PAG1: variants seen among roughly 807,000 people sequenced by gnomAD.
The protein encoded by PAG1 is phosphoprotein membrane anchor with glycosphingolipid microdomains 1, also known as phosphoprotein associated with glycosphingolipid-enriched microdomains 1.
PAG1 carries 23 observed loss-of-function variants against 31.7 expected under a neutral mutation model. The ratio of observed to expected loss-of-function variants is 0.73; its 90% CI spans 0.52 to 1.03. PAG1 has a LOEUF of 1.03. PAG1 is among the 50% of genes least tolerant of loss of function. PAG1 has a pLI of 0.00. For missense variants in PAG1, 473 were observed against 540.7 expected (o/e 0.87, Z 1.24); for synonymous variants, 214 against 210.3 (o/e 1.02, Z -0.15).
intron 3 of PAG1, among the ~76,000 whole-genome samples, chr8:81,021,285 C>A (rs541380367): frequency 6.6e-6 from 1 of 152,160 alleles, no homozygotes; most frequent in Non-Finnish European, 1.5e-5. Flanking sequence ...GTTTTTAATA[C>A]GTTAGTTATA....
chr8:81,077,481 T>C (rs543540774), intron 1 of PAG1, among the ~76,000 whole-genome samples: 2 of 152,362 alleles, frequency 1.3e-5, no homozygotes, highest in South Asian at 2.1e-4. Context: ...ATAATGGTAA[T>C]ATTTGTTTGC....
chr8:81,028,405 C>T lies in PAG1; in HGVS notation c.-81+1591G>A, dbSNP rs527396831. On this transcript the variant is annotated intron_variant, in intron 3 of 8. Coordinates refer to ENST00000220597, the MANE Select transcript of PAG1 (RefSeq NM_018440.4). ...CTTGCTTCTGTGAACCACCAGATGA[C>T]GTACATAGGCTAATTTTCATTTGTA... 6.6e-5 allele frequency among the ~76,000 whole-genome samples: 10 copies of T among 152,304 alleles called. No homozygotes were observed. In the South Asian group the frequency reaches 1.7e-3, roughly 25 times the overall value.
chr8:81,012,407 G>T (rs1346187999), intron 3 of PAG1, among the ~76,000 whole-genome samples: 2 of 152,158 alleles, frequency 1.3e-5, no homozygotes, highest in African/African-American at 4.8e-5. Flanking sequence ...ATTTCAGATT[G>T]CCATTCAGCA....
intron 1 of PAG1, among the ~76,000 whole-genome samples, chr8:81,109,642 A>G (rs1809744308): frequency 1.3e-5 from 2 of 152,272 alleles, no homozygotes; most frequent in South Asian, 2.1e-4. Context: ...CATAGAGTCC[A>G]AAGATGCATT....
intron 1 of PAG1, among the ~76,000 whole-genome samples, chr8:81,106,771 C>T (rs1013361418): frequency 1.4e-4 from 21 of 152,220 alleles, no homozygotes; most frequent in African/African-American, 4.1e-4. Flanking sequence ...TTAAAATTGT[C>T]CTTTTACCCT....
intron 3 of PAG1, among the ~76,000 whole-genome samples, chr8:81,026,043 C>G (rs1808271960): frequency 1.3e-5 from 2 of 152,110 alleles, no homozygotes; most frequent in African/African-American, 4.8e-5. Flanking sequence ...TCTACCCTTC[C>G]TTGGCAAGTC....
chr8:80,985,716 A>G (rs1807405104), intron 6 of PAG1, among the ~76,000 whole-genome samples: 1 of 152,186 alleles, frequency 6.6e-6, no homozygotes, highest in Admixed American at 6.5e-5. Flanking sequence ...CCGCTGAACT[A>G]TGGGAGGCTG....
At chr8:81,029,076 C>A (rs974286440) in intron 3 of PAG1, among the ~76,000 whole-genome samples, 3 of 152,126 alleles carry the variant, frequency 2.0e-5, no homozygotes, top group African/African-American at 7.2e-5. Flanking sequence ...TGTGCGGGTA[C>A]ACAAATATCT....
intron 3 of PAG1, among the ~76,000 whole-genome samples, chr8:80,994,108 T>C (rs1390229554): frequency 7.3e-5 from 11 of 151,674 alleles, no homozygotes; most frequent in African/African-American, 2.2e-4. Flanking sequence ...ATCTCCCTAA[T>C]CCACTGCCAT....
chr8:81,032,138 A>C (rs146943129), intron 2 of PAG1, among the ~76,000 whole-genome samples: 1 of 152,348 alleles, frequency 6.6e-6, no homozygotes, highest in African/African-American at 2.4e-5. Context: ...AAAGGGCTAA[A>C]TCTTCATGAG....
intron 3 of PAG1, among the ~76,000 whole-genome samples, chr8:81,000,392 A>C (rs1807763178): frequency 6.6e-6 from 1 of 152,232 alleles, no homozygotes; most frequent in Non-Finnish European, 1.5e-5. Context: ...AAACAATTAA[A>C]AAATAAGCTA....
At chr8:81,106,792 T>C (rs191769705) in intron 1 of PAG1, among the ~76,000 whole-genome samples, 2 of 152,302 alleles carry the variant, frequency 1.3e-5, no homozygotes, top group Admixed American at 1.3e-4. Flanking sequence ...CCATTTTGAC[T>C]GGAGTTAGAA....
chr8:80,991,425 C>T lies in PAG1; in HGVS notation c.177+54G>A, dbSNP rs532700589. The T allele has an allele frequency of 3.0e-5, 41 of 1,381,914 alleles. No individual in the cohort carries two copies. The South Asian group carries it at 4.7e-4, about 16-fold the overall frequency. The allele number at this position is 1,381,914 out of a possible 1,614,324, so 85.6% of individuals were successfully genotyped here. A position where few individuals can be genotyped will look rare whatever the true frequency, so the allele number is the denominator to read the frequency against. ...CATGGGAGCACACTTAGATAAGTAG[C>T]TGATGTTCTGGAGCACGCACGGACA... is the stretch of plus-strand genomic sequence containing the variant. On this transcript the variant is annotated intron_variant, in intron 5 of 8. Coordinates refer to ENST00000220597, the MANE Select transcript of PAG1 (RefSeq NM_018440.4).
chr8:81,061,353 T>C (rs2130924884), intron 2 of PAG1, among the ~76,000 whole-genome samples: 1 of 152,298 alleles, frequency 6.6e-6, no homozygotes, highest in South Asian at 2.1e-4. Context: ...TCTCAAAACC[T>C]TTCTTAAGCT....
chr8:81,008,687 C>T (rs1807929345), intron 3 of PAG1, among the ~76,000 whole-genome samples: 2 of 151,874 alleles, frequency 1.3e-5, no homozygotes, highest in Admixed American at 1.3e-4. Flanking sequence ...TGCTCCACTT[C>T]CTCTCATCTG....
chr8:81,020,843 T>A (rs1169567478), intron 3 of PAG1, among the ~76,000 whole-genome samples: 1 of 152,252 alleles, frequency 6.6e-6, no homozygotes, highest in African/African-American at 2.4e-5. Flanking sequence ...TCATCCTTAA[T>A]AAACTCTATG....
At chr8:81,087,672 T>C (rs1809382086) in intron 1 of PAG1, among the ~76,000 whole-genome samples, 1 of 152,170 alleles carries the variant, frequency 6.6e-6, no homozygotes. Context: ...CAGGGCACAC[T>C]GAGTAGGACT....
chr8:80,999,516 C>A (rs1194852930), intron 3 of PAG1, among the ~76,000 whole-genome samples: 2 of 152,126 alleles, frequency 1.3e-5, no homozygotes, highest in Non-Finnish European at 2.9e-5. Flanking sequence ...ATCACCAGAC[C>A]ACAGTGACCC....
chr8:81,109,507 T>C (rs1809742113), intron 1 of PAG1, among the ~76,000 whole-genome samples: 1 of 152,208 alleles, frequency 6.6e-6, no homozygotes, highest in Non-Finnish European at 1.5e-5. Context: ...TAAATACCAG[T>C]TGGTGTCTGT....
Sources: allele counts gnomAD v4.1 joint callset (sites outside exome capture counted in the v4.1 genomes callset), GRCh38; gene constraint gnomAD v4.1.1; transcripts MANE v1.5; gene names NCBI Gene and HGNC (gene_info 2026-07-23, HGNC 2026-07-21).